MTFR1L: variants seen among roughly 807,000 people sequenced by gnomAD.
The protein encoded by MTFR1L is mitochondrial fission regulator 1 like, also known as mitochondrial fission regulator 1-like.
Under a neutral mutation model 27.9 loss-of-function variants are expected in MTFR1L, and 10 were observed. The ratio of observed to expected loss-of-function variants is 0.36; its 90% CI spans 0.22 to 0.61. The LOEUF (loss-of-function observed/expected upper bound fraction) is 0.61. MTFR1L is among the 20% of genes least tolerant of loss of function. The probability of loss-of-function intolerance (pLI) is 0.73; values close to 1 mark genes in which losing one functional copy is unlikely to be tolerated. For missense variants in MTFR1L, 315 were observed against 363.7 expected, an observed-to-expected ratio of 0.87 and a Z score of 1.09; for synonymous variants, 151 against 139.4, an observed-to-expected ratio of 1.08 and a Z score of -0.58.
intron 2 of MTFR1L, chr1:25,823,351 G>C: frequency 2.8e-6 from 2 of 721,270 alleles, no homozygotes; most frequent in Non-Finnish European, 2.5e-6. Context: ...TACAGAGGAC[G>C]GGAAGGAAAG....
At chr1:25,821,861 TGTCC>T (rs546116450) in intron 1 of MTFR1L, 103 of 152,462 alleles carry the variant, frequency 6.8e-4, no homozygotes, top group African/African-American at 2.4e-3. Flanking sequence ...TATGTATTCA[TGTCC>T]TATCACTCTG....
chr1:25,832,188 C>T lies in MTFR1L; in HGVS notation c.*162C>T, dbSNP rs2048254027. On this transcript the variant is annotated 3_prime_UTR_variant, in exon 7 of 7. Coordinates refer to ENST00000374303, the MANE Select transcript of MTFR1L (RefSeq NM_001099625.2). ...AAGAGAAGAGCTGGATTATATATTT[C>T]CCAGACTTCAAACCCTAGCAGAAGC... 3.9e-6 allele frequency: 6 copies of T among 1,538,488 alleles called. No homozygotes were observed. Among genetic ancestry groups the T allele is most frequent in the Non-Finnish European group, 5.2e-6 (6 of 1,146,508 alleles).
In MTFR1L at chr1:25,828,419, T is replaced by TA. The variant is rs761039228; in HGVS notation, c.452-1084dup. 8.0e-4 allele frequency among the ~76,000 whole-genome samples: 121 copies of TA among 152,024 alleles called. 1 individual carries two copies. The highest frequency in any genetic ancestry group is 2.1e-4 in the Non-Finnish European group (14 of 68,004). ...CCAACATGGTGAAACCCTGTCTCTA[T>TA]AAAAAATACAAAAATTAGCTGGGCA... On this transcript the variant is annotated intron_variant, in intron 5 of 6. Coordinates refer to ENST00000374303, the MANE Select transcript of MTFR1L (RefSeq NM_001099625.2).
chr1:25,832,402 G>A lies in MTFR1L; in HGVS notation c.*376G>A, dbSNP rs1399436434. 4.5e-6 allele frequency: 2 copies of A among 443,870 alleles called. No individual in the cohort carries two copies. The highest frequency in any genetic ancestry group is 3.7e-5 in the East Asian group (1 of 27,220). 27.5% of individuals were successfully genotyped at this position (443,870 alleles called of 1,614,324 possible). On this transcript the variant is annotated 3_prime_UTR_variant, in exon 7 of 7. Coordinates refer to ENST00000374303, the MANE Select transcript of MTFR1L (RefSeq NM_001099625.2). ...CTCACAAGACACTTTGTGCCCAGCT[G>A]TCACTCACTCAGCAGCTTCCTTGCA...
At chr1:25,825,074 C>T (rs1319413685) in intron 3 of MTFR1L, among the ~76,000 whole-genome samples, 2 of 152,168 alleles carry the variant, frequency 1.3e-5, no homozygotes, top group Admixed American at 1.3e-4. Flanking sequence ...CCCAAATGCC[C>T]TATTTTAGCA....
chr1:25,822,692 A>G (rs2142623), intron 1 of MTFR1L: 292,890 of 365,352 alleles, frequency 0.8, 118,868 homozygotes, highest in East Asian at 0.97. Context: ...ACACCTGGCT[A>G]ATTTTTTGTA....
At chr1:25,831,654 T>C (rs551570821) in intron 6 of MTFR1L, among the ~76,000 whole-genome samples, 1 of 152,348 alleles carries the variant, frequency 6.6e-6, no homozygotes, top group South Asian at 2.1e-4. Flanking sequence ...TTTCAGGAAA[T>C]AGTAAAGCAT....
Position 25,829,676 on chromosome 1 carries a change from T to G in MTFR1L, c.619T>G (p.Cys207Gly). Residue 207 changes from cysteine (C) to glycine (G), a missense_variant, in exon 6 of 7, where the codon TGT (cysteine) becomes GGT (glycine). Physicochemically the swap from Cys to Gly is radical, Grantham distance 159. Coordinates refer to ENST00000374303, the MANE Select transcript of MTFR1L (RefSeq NM_001099625.2). Reference sequence around the variant, plus strand: ...TGAGCTTCCATCAGTCCCCCTGCTTTGTTCTGCCAGCCCTGAATGTTGCAA... The same window carrying G: ...TGAGCTTCCATCAGTCCCCCTGCTTGGTTCTGCCAGCCCTGAATGTTGCAA... ...VPELPSVPLL[C>G]SASPECCKPE... The G allele has an allele frequency of 6.2e-7, 1 of 1,614,194 alleles. No individual in the cohort carries two copies. The highest frequency in any genetic ancestry group is 8.5e-7 in the Non-Finnish European group (1 of 1,180,030).
At chr1:25,824,303 C>T (rs754814158) in intron 3 of MTFR1L, among the ~76,000 whole-genome samples, 10 of 152,314 alleles carry the variant, frequency 6.6e-5, no homozygotes, top group Non-Finnish European at 1.0e-4. Context: ...ACCCACTCAG[C>T]AGCAGAGATT....
In MTFR1L at chr1:25,823,058, A is replaced by C; in HGVS notation, c.-47A>C. 6.2e-7 allele frequency: 1 copy of C among 1,614,104 alleles called. No homozygotes were observed. The highest frequency in any genetic ancestry group is 8.5e-7 in the Non-Finnish European group (1 of 1,180,018). On this transcript the variant is annotated 5_prime_UTR_variant, in exon 2 of 7. Coordinates refer to ENST00000374303, the MANE Select transcript of MTFR1L (RefSeq NM_001099625.2). The stretch of plus-strand genomic sequence containing the variant: ...AGGAGTCACGCCTCCCGCCTCCCGG[A>C]GCTGCCCAGTGGCTGCCTTGTCCTT...
At chr1:25,824,453 G>C (rs905657259) in intron 3 of MTFR1L, among the ~76,000 whole-genome samples, 1 of 152,222 alleles carries the variant, frequency 6.6e-6, no homozygotes, top group Admixed American at 6.5e-5. Context: ...TGCATTTGGA[G>C]AGCTGGGATA....
At chr1:25,825,787 C>G (rs1212182313) in intron 3 of MTFR1L, 1 of 153,764 alleles carries the variant, frequency 6.5e-6, no homozygotes, top group Non-Finnish European at 1.4e-5. Flanking sequence ...TGACTCAGGC[C>G]TTTTCCACTG....
At chr1:25,829,856 T>C in intron 6 of MTFR1L, 26 bp downstream of exon 6, 2 of 1,565,044 alleles carry the variant, frequency 1.3e-6, no homozygotes, top group Non-Finnish European at 1.7e-6. Context: ...GGAGCTCTGG[T>C]ATCTATTTAC....
rs1389560527 is a variant in MTFR1L at position 25,826,265 on chromosome 1, G to C, written c.130-37G>C. 6.3e-7 allele frequency: 1 copy of C among 1,574,862 alleles called. No individual in the cohort carries two copies. Among genetic ancestry groups the C allele is most frequent in the East Asian group, 2.2e-5 (1 of 44,604 alleles). ...TGCAGTTTCTGATTGGCTCATCATG[G>C]CATCTGTAAATGTTGATGACTTTTG... On this transcript the variant is annotated intron_variant, in intron 3 of 6. Transcript: ENST00000374303. The surrounding 1 kb of genome is among the most constrained non-coding windows in gnomAD (Gnocchi z 4.1).
chr1:25,825,438 T>C (rs1372260723), intron 3 of MTFR1L, among the ~76,000 whole-genome samples: 1 of 152,174 alleles, frequency 6.6e-6, no homozygotes, highest in Non-Finnish European at 1.5e-5. Context: ...TTTTTCTAGA[T>C]GGATGTTTTT....
intron 2 of MTFR1L, 162 bp downstream of exon 2, chr1:25,823,290 C>A: frequency 1.3e-6 from 1 of 789,790 alleles, no homozygotes; most frequent in Non-Finnish European, 2.2e-6. Flanking sequence ...CTAAGAAGAA[C>A]CAACTATGAT....
At chr1:25,827,870 C>T (rs2048188408) in intron 5 of MTFR1L, among the ~76,000 whole-genome samples, 1 of 151,972 alleles carries the variant, frequency 6.6e-6, no homozygotes, top group South Asian at 2.1e-4. Context: ...GGATTATAGG[C>T]GCATGCCACC....
intron 6 of MTFR1L, among the ~76,000 whole-genome samples, chr1:25,831,385 T>C (rs1320120333): frequency 6.6e-6 from 1 of 152,214 alleles, no homozygotes; most frequent in Non-Finnish European, 1.5e-5. Context: ...GAGTTTCTTA[T>C]GTGAATGTTT....
chr1:25,820,659 G>C (rs190554893), intron 1 of MTFR1L: 4 of 426,634 alleles, frequency 9.4e-6, no homozygotes, highest in Non-Finnish European at 1.8e-5. Flanking sequence ...GGGGCGCAGA[G>C]GTGACAAGAC....
Sources: gnomAD v4.1 joint callset for allele counts (sites outside exome capture counted in the v4.1 genomes callset) on GRCh38, gnomAD v4.1.1 for gene constraint, Gnocchi (gnomAD v3.1) non-coding constraint, MANE v1.5 for transcripts, NCBI Gene and HGNC (gene_info 2026-07-23, HGNC 2026-07-21) for gene names.